Variants in TNRC6B observed in about 807,000 individuals in gnomAD.
The protein encoded by TNRC6B is trinucleotide repeat-containing gene 6B protein.
A neutral mutation model predicts 203.6 loss-of-function variants in TNRC6B; 52 were observed. The observed-to-expected ratio is 0.26, with a 90% confidence interval of 0.20 to 0.32. TNRC6B has a LOEUF of 0.32. Ranked by LOEUF, TNRC6B falls within the 10% of genes least tolerant of loss-of-function variation. The pLI, the probability that TNRC6B is intolerant of heterozygous loss-of-function variation, is 1.00. For missense variants in TNRC6B, 1,923 were observed against 2,286.2 expected (o/e 0.84, Z 3.24); for synonymous variants, 838 against 845.7 (o/e 0.99, Z 0.16).
chr22:40,086,773 T>C (rs1411781601), intron 1 of TNRC6B, among the ~76,000 whole-genome samples: 1 of 152,188 alleles, frequency 6.6e-6, no homozygotes, highest in Non-Finnish European at 1.5e-5. Flanking sequence ...AAACAAAGGT[T>C]TTAGATAGAA....
At chr22:40,066,083 T>C (rs1319928610) in intron 1 of TNRC6B, among the ~76,000 whole-genome samples, 1 of 152,104 alleles carries the variant, frequency 6.6e-6, no homozygotes, top group African/African-American at 2.4e-5. Flanking sequence ...CTTGGCCTTT[T>C]CAGAATCTAG....
rs943508267 is a variant in TNRC6B, at chr22:40,281,158, G to A, written c.3451G>A (p.Asp1151Asn). 11 of 1,550,872 alleles carry A rather than the reference G, an allele frequency of 7.1e-6. No individual in the cohort carries two copies. Among genetic ancestry groups the A allele is most frequent in the Non-Finnish European group, 9.6e-6 (11 of 1,146,620 alleles). Reference protein sequence around the residue: ...PFSNQDGCLGDEAPCSPFSPS... With the variant: ...PFSNQDGCLGNEAPCSPFSPS... ...CTCCAATCAAGATGGGTGCCTTGGG[G>A]ATGAGGCTCCCTGCTCTCCCTTCTC... is the stretch of plus-strand genomic sequence containing the variant. The change falls in exon 11 of 23, where the codon GAT becomes AAT. Residue 1151 changes from aspartate to asparagine, a missense_variant. Asp to Asn is a conservative substitution (Grantham distance 23). Coordinates refer to ENST00000454349, the MANE Select transcript of TNRC6B (RefSeq NM_001162501.2).
chr22:40,261,735 C>G (rs1380002825), intron 3 of TNRC6B, 97 bp from the exon 4 acceptor site: 24 of 1,092,856 alleles, frequency 2.2e-5, no homozygotes, highest in Non-Finnish European at 2.9e-5. Flanking sequence ...ATGGCAAGAC[C>G]CCATCTCTAA....
chr22:40,112,984 G>A (rs1000661033), intron 1 of TNRC6B, among the ~76,000 whole-genome samples: 4 of 152,240 alleles, frequency 2.6e-5, no homozygotes, highest in Middle Eastern at 3.4e-3. Context: ...GCACACACCT[G>A]TAATCCCAGT....
intron 1 of TNRC6B, among the ~76,000 whole-genome samples, chr22:40,057,481 C>T (rs1164041555): frequency 1.3e-5 from 2 of 151,990 alleles, no homozygotes; most frequent in African/African-American, 4.8e-5. Context: ...TTAGTAGAGA[C>T]AGGATTTCTC....
intron 1 of TNRC6B, among the ~76,000 whole-genome samples, chr22:40,081,454 A>G (rs895613791): frequency 1.1e-4 from 16 of 151,674 alleles, no homozygotes; most frequent in African/African-American, 3.9e-4. Flanking sequence ...GCTTGCTTCC[A>G]TTGTACCTTG....
At chr22:40,150,882 C>G (rs1455449826) in intron 3 of TNRC6B, among the ~76,000 whole-genome samples, 1 of 152,002 alleles carries the variant, frequency 6.6e-6, no homozygotes, top group African/African-American at 2.4e-5. Context: ...TGGGCAGGTC[C>G]CTTCCTGATC....
intron 1 of TNRC6B, among the ~76,000 whole-genome samples, chr22:40,210,178 T>C (rs2069542433): frequency 6.6e-6 from 1 of 152,222 alleles, no homozygotes; most frequent in East Asian, 1.9e-4. Flanking sequence ...GAGACCTCGC[T>C]TCCTTCCCCC....
At chr22:40,248,682 G>A (rs907987787) in intron 2 of TNRC6B, among the ~76,000 whole-genome samples, 1 of 152,138 alleles carries the variant, frequency 6.6e-6, no homozygotes, top group Non-Finnish European at 1.5e-5. Flanking sequence ...TCTCCTATGT[G>A]CCTTCATCTG....
chr22:40,052,361 A>C (rs1351452550), intron 1 of TNRC6B, among the ~76,000 whole-genome samples: 2 of 150,602 alleles, frequency 1.3e-5, no homozygotes, highest in Non-Finnish European at 3.0e-5. Context: ...TCGGTGTCTG[A>C]TGAATTAGAA....
chr22:40,213,577 A>G (rs2032242533), intron 1 of TNRC6B, among the ~76,000 whole-genome samples: 1 of 152,204 alleles, frequency 6.6e-6, no homozygotes, highest in Admixed American at 6.5e-5. Flanking sequence ...GCTCTGTAGA[A>G]AATGTATCAG....
intron 1 of TNRC6B, among the ~76,000 whole-genome samples, chr22:40,079,775 C>T (rs1387121037): frequency 6.6e-6 from 1 of 150,824 alleles, no homozygotes; most frequent in African/African-American, 2.4e-5. Flanking sequence ...TGTACCACCA[C>T]ACCTGGCTAA....
At position 40,271,360 on chromosome 22, in the gene TNRC6B, A is replaced by G. The variant is rs571681545; in HGVS notation, c.2965+1080A>G. 1.4e-4 allele frequency among the ~76,000 whole-genome samples: 21 copies of G among 152,346 alleles called. No homozygotes were observed. The South Asian group carries it at 1.4e-3, about 11-fold the overall frequency. ...CTGGAATGACCAAAATTCAAACAAGAAGATAAATTCTGTTAAGTTTATCAC... is the reference window on the plus strand; with the variant it reads ...CTGGAATGACCAAAATTCAAACAAGGAGATAAATTCTGTTAAGTTTATCAC... On this transcript the variant is annotated intron_variant, in intron 6 of 22. Transcript: ENST00000454349.
intron 1 of TNRC6B, among the ~76,000 whole-genome samples, chr22:40,202,915 C>T (rs2069432600): frequency 6.6e-6 from 1 of 152,156 alleles, no homozygotes; most frequent in Non-Finnish European, 1.5e-5. Flanking sequence ...TTCTTGCTAG[C>T]CCTTTCCTTC....
At chr22:40,164,867 C>A (rs776468031) in intron 4 of TNRC6B, among the ~76,000 whole-genome samples, 1 of 150,820 alleles carries the variant, frequency 6.6e-6, no homozygotes, top group Non-Finnish European at 1.5e-5. Context: ...CTGCAACCTC[C>A]GCCTCCAGGG....
At chr22:40,069,193 G>C (rs756270946) in intron 1 of TNRC6B, among the ~76,000 whole-genome samples, 3 of 151,988 alleles carry the variant, frequency 2.0e-5, no homozygotes, top group Non-Finnish European at 4.4e-5. Context: ...CCTCAAATTC[G>C]TGGGCTCAAG....
At chr22:40,082,183 T>C (rs1402842587) in intron 1 of TNRC6B, among the ~76,000 whole-genome samples, 1 of 152,168 alleles carries the variant, frequency 6.6e-6, no homozygotes, top group Non-Finnish European at 1.5e-5. Context: ...TCAAAGTGAG[T>C]TTTAAATAAA....
chr22:40,211,650 C>T (rs377486603), intron 1 of TNRC6B, among the ~76,000 whole-genome samples: 8 of 152,286 alleles, frequency 5.3e-5, no homozygotes, highest in South Asian at 2.1e-4. Context: ...CTATATTTTG[C>T]GGACGTGCTT....
chr22:40,214,752 C>T (rs1014178092), intron 1 of TNRC6B, among the ~76,000 whole-genome samples: 30 of 152,104 alleles, frequency 2.0e-4, no homozygotes, highest in Non-Finnish European at 3.8e-4. Flanking sequence ...TAGAGTCTTG[C>T]TATATTGCCC....
Sources: allele counts gnomAD v4.1 joint callset (sites outside exome capture counted in the v4.1 genomes callset), GRCh38; gene constraint gnomAD v4.1.1; transcripts MANE v1.5; gene names NCBI Gene and HGNC (gene_info 2026-07-23, HGNC 2026-07-21).